The following NCAM2 variants were observed in gnomAD, a reference collection of about 807,000 sequenced individuals.
NCAM2 encodes the protein N-CAM-2.
Under a neutral mutation model 98.1 loss-of-function variants are expected in NCAM2, and 30 were observed. That is an observed-to-expected ratio of 0.31 (90% CI 0.23 to 0.41). The LOEUF is 0.41. Among genes scored for constraint, NCAM2 ranks in the 10% least tolerant of loss-of-function variants. The probability of loss-of-function intolerance (pLI) is 1.00; values close to 1 mark genes in which losing one functional copy is unlikely to be tolerated. For synonymous variants in NCAM2, 368 were observed against 342.4 expected, an observed-to-expected ratio of 1.07 and a Z score of -0.83; for missense variants, 867 against 1,005.8, an observed-to-expected ratio of 0.86 and a Z score of 1.87.
chr21:21,020,603 A>G (rs2064412758), intron 1 of NCAM2, among the ~76,000 whole-genome samples: 1 of 152,114 alleles, frequency 6.6e-6, no homozygotes, highest in Non-Finnish European at 1.5e-5. Context: ...CTCAGCTCCC[A>G]CTGATCCAGT....
At chr21:21,052,545 G>GA (rs56857651) in intron 1 of NCAM2, among the ~76,000 whole-genome samples, 32 of 148,802 alleles carry the variant, frequency 2.2e-4, no homozygotes, top group South Asian at 1.5e-3. Flanking sequence ...AGGCTGGACA[G>GA]AAAAAAAAAA....
intron 1 of NCAM2, among the ~76,000 whole-genome samples, chr21:21,070,222 T>A (rs2065531224): frequency 6.7e-6 from 1 of 149,440 alleles, no homozygotes; most frequent in Non-Finnish European, 1.5e-5. Context: ...AACAACCCAT[T>A]TATAAAAGTA....
intron 1 of NCAM2, among the ~76,000 whole-genome samples, chr21:21,160,934 G>T (rs542953681): frequency 3.3e-5 from 5 of 152,076 alleles, no homozygotes; most frequent in South Asian, 2.1e-4. Context: ...ATGTTGGAGA[G>T]ATTTTTCATC....
chr21:21,346,730 A>C (rs1482326259), intron 8 of NCAM2, among the ~76,000 whole-genome samples: 4 of 152,080 alleles, frequency 2.6e-5, no homozygotes, highest in African/African-American at 9.7e-5. Flanking sequence ...GACTTTTTGA[A>C]AGTATAAAAA....
intron 1 of NCAM2, among the ~76,000 whole-genome samples, chr21:21,102,666 A>AT (rs202244095): frequency 5.6e-3 from 1 of 180 alleles, no homozygotes; most frequent in Non-Finnish European, 0.013. Context: ...TTAACATATG[A>AT]TTTTTTAAAA....
intron 1 of NCAM2, among the ~76,000 whole-genome samples, chr21:21,061,622 ATCTTT>A (rs10600438): frequency 0.072 from 10,976 of 152,106 alleles, 721 homozygotes; most frequent in African/African-American, 0.17. Flanking sequence ...TTCTTTTTGA[ATCTTT>A]TCTTATGAAG....
chr21:21,515,644 A>G (rs970308242), intron 16 of NCAM2, among the ~76,000 whole-genome samples: 1 of 152,186 alleles, frequency 6.6e-6, no homozygotes, highest in Admixed American at 6.5e-5. Flanking sequence ...GATAGAATTA[A>G]TTCAGTGGAA....
intron 1 of NCAM2, among the ~76,000 whole-genome samples, chr21:21,050,101 T>C (rs34940461): frequency 0.2 from 29,826 of 151,676 alleles, 3,295 homozygotes; most frequent in Non-Finnish European, 0.26. Flanking sequence ...AAAATTTGAA[T>C]GTTTTTTTCA....
intron 16 of NCAM2, among the ~76,000 whole-genome samples, chr21:21,528,755 A>G (rs1004817826): frequency 2.0e-5 from 3 of 152,204 alleles, no homozygotes; most frequent in Non-Finnish European, 4.4e-5. Flanking sequence ...TCATTACTCC[A>G]TGACAACCAC....
chr21:21,501,678 T>G (rs1283756396), intron 15 of NCAM2, among the ~76,000 whole-genome samples: 2 of 151,596 alleles, frequency 1.3e-5, no homozygotes, highest in Non-Finnish European at 2.9e-5. Context: ...TTTGACTTCT[T>G]AAGTAGCTGT....
chr21:21,121,923 C>T (rs540682173), intron 1 of NCAM2, among the ~76,000 whole-genome samples: 9 of 152,332 alleles, frequency 5.9e-5, no homozygotes, highest in Admixed American at 3.9e-4. Flanking sequence ...GTGAAAAGGA[C>T]AATTCATTGA....
At chr21:21,466,572 TG>T in intron 12 of NCAM2, 33 bp from the exon 13 acceptor site, 1 of 1,441,484 alleles carries the variant, frequency 6.9e-7, no homozygotes, top group East Asian at 2.5e-5. Flanking sequence ...TGTATATATA[TG>T]TTTTATTTTG....
chr21:21,443,071 G>T (rs1024608335), intron 12 of NCAM2, among the ~76,000 whole-genome samples: 1 of 152,114 alleles, frequency 6.6e-6, no homozygotes, highest in African/African-American at 2.4e-5. Flanking sequence ...TTGGTATGTT[G>T]TGTCTCTGTT....
chr21:21,211,935 G>C (rs981713664), intron 1 of NCAM2, among the ~76,000 whole-genome samples: 2 of 152,110 alleles, frequency 1.3e-5, no homozygotes, highest in Non-Finnish European at 2.9e-5. Context: ...GGAAAATCTG[G>C]ATCTATTGTA....
intron 1 of NCAM2, among the ~76,000 whole-genome samples, chr21:21,000,761 A>G (rs896090953): frequency 1.3e-5 from 2 of 152,222 alleles, no homozygotes; most frequent in East Asian, 1.9e-4. Flanking sequence ...CTTCTATGCC[A>G]TGTGTCCTGA....
intron 4 of NCAM2, among the ~76,000 whole-genome samples, chr21:21,290,990 C>T (rs2073270325): frequency 1.5e-5 from 1 of 67,380 alleles, no homozygotes; most frequent in South Asian, 7.3e-4. Context: ...AAGTGGTTTT[C>T]CTAACCTCAT....
Position 21,467,377 on chromosome 21 carries a change from T to C in NCAM2, c.1774+652T>C, listed in dbSNP as rs537168579. ...TATGCGTAACACTGCCTGATATATATATCTTTATATATATATATATATCGT... is the reference window on the plus strand; with the variant it reads ...TATGCGTAACACTGCCTGATATATACATCTTTATATATATATATATATCGT... On this transcript the variant is annotated intron_variant, in intron 13 of 17. Transcript: ENST00000400546. Among the ~76,000 whole-genome samples the C allele has an allele frequency of 1.3e-4, 17 of 133,648 alleles. No homozygotes were observed. In the East Asian group the frequency reaches 2.7e-3, roughly 22 times the overall value. The allele number at this position is 133,648 out of a possible 152,430, so 87.7% of individuals were successfully genotyped here. A position where few individuals can be genotyped will look rare whatever the true frequency, so the allele number is the denominator to read the frequency against.
chr21:21,080,610 C>A (rs1462941423), intron 1 of NCAM2, among the ~76,000 whole-genome samples: 1 of 85,150 alleles, frequency 1.2e-5, no homozygotes, highest in Non-Finnish European at 2.1e-5. Flanking sequence ...GAGCAAAACT[C>A]TGTCAAAAAA....
chr21:21,458,472 T>C (rs950478009), intron 12 of NCAM2, among the ~76,000 whole-genome samples: 3 of 152,152 alleles, frequency 2.0e-5, no homozygotes, highest in Non-Finnish European at 2.9e-5. Context: ...TTAGGGGCAG[T>C]GTGGGAGTGG....
Sources: allele counts gnomAD v4.1 joint callset (sites outside exome capture counted in the v4.1 genomes callset), GRCh38; gene constraint gnomAD v4.1.1; transcripts MANE v1.5; gene names NCBI Gene and HGNC (gene_info 2026-07-23, HGNC 2026-07-21).